The following ATRNL1 variants were observed in gnomAD, a reference collection of about 807,000 sequenced individuals.
ATRNL1 encodes the protein attractin like 1.
ATRNL1 carries 95 observed loss-of-function variants against 182.7 expected under a neutral mutation model. The ratio of observed to expected loss-of-function variants is 0.52; its 90% CI spans 0.44 to 0.62. ATRNL1 has a LOEUF of 0.62. ATRNL1 is among the 20% of genes least tolerant of loss of function. The probability of loss-of-function intolerance (pLI) is 0.00; values close to 1 mark genes in which losing one functional copy is unlikely to be tolerated. For missense variants in ATRNL1, 1,471 were observed against 1,679.5 expected (o/e 0.88, Z 2.17); for synonymous variants, 576 against 568.3 (o/e 1.01, Z -0.19).
Position 115,093,572 on chromosome 10 carries a change from A to T in ATRNL1, c.-179A>T. On this transcript the variant is annotated 5_prime_UTR_variant, in exon 1 of 29. Coordinates refer to ENST00000355044, the MANE Select transcript of ATRNL1 (RefSeq NM_207303.4). The surrounding 1 kb of genome is among the most constrained non-coding windows in gnomAD (Gnocchi z 6.1). ...GCCCGAGTGCGACTGGAGGCAGCCG[A>T]GCGGAGGCGACGGCGGTTGGGATCT... 1 of 735,938 alleles carries T rather than the reference A, an allele frequency of 1.4e-6. No individual in the cohort carries two copies. Among genetic ancestry groups the T allele is most frequent in the Non-Finnish European group, 2.3e-6 (1 of 426,332 alleles). The allele number at this position is 735,938 out of a possible 1,614,324, so 45.6% of individuals were successfully genotyped here.
intron 24 of ATRNL1, among the ~76,000 whole-genome samples, chr10:115,485,589 C>G (rs181718671): frequency 6.6e-6 from 1 of 152,102 alleles, no homozygotes; most frequent in East Asian, 1.9e-4. Flanking sequence ...TGTATTCTTC[C>G]TATGTGACTA....
At chr10:115,217,237 C>T (rs1849269289) in intron 9 of ATRNL1, among the ~76,000 whole-genome samples, 1 of 152,144 alleles carries the variant, frequency 6.6e-6, no homozygotes, top group African/African-American at 2.4e-5. Flanking sequence ...TACATGCACA[C>T]ACCACCATGC....
intron 20 of ATRNL1, among the ~76,000 whole-genome samples, chr10:115,396,241 G>C (rs1554955541): frequency 6.6e-6 from 1 of 151,810 alleles, no homozygotes; most frequent in Non-Finnish European, 1.5e-5. Flanking sequence ...GATCTTGGGG[G>C]AATTCCTATT....
intron 9 of ATRNL1, among the ~76,000 whole-genome samples, 173 bp from the exon 10 acceptor site, chr10:115,241,398 T>C (rs1436394551): frequency 2.6e-5 from 4 of 151,846 alleles, no homozygotes; most frequent in African/African-American, 9.7e-5. Context: ...CAAAATATTT[T>C]TTTTTGAAAT....
At chr10:115,386,716 A>G (rs1858374652) in intron 19 of ATRNL1, among the ~76,000 whole-genome samples, 1 of 151,536 alleles carries the variant, frequency 6.6e-6, no homozygotes, top group Non-Finnish European at 1.5e-5. Context: ...CACAATGTGC[A>G]GGTTAGTTAC....
intron 28 of ATRNL1, among the ~76,000 whole-genome samples, chr10:115,908,551 C>T (rs557955821): frequency 6.6e-6 from 1 of 152,296 alleles, no homozygotes; most frequent in South Asian, 2.1e-4. Context: ...AGGATAATCT[C>T]TCCATCTGAA....
At chr10:115,440,025 A>C (rs1436892344) in intron 21 of ATRNL1, among the ~76,000 whole-genome samples, 3 of 151,806 alleles carry the variant, frequency 2.0e-5, no homozygotes, top group African/African-American at 7.2e-5. Context: ...TATCGGTATG[A>C]ACTCATGGAT....
chr10:115,782,249 AC>A, intron 27 of ATRNL1, among the ~76,000 whole-genome samples: 1 of 152,314 alleles, frequency 6.6e-6, no homozygotes, highest in African/African-American at 2.4e-5. Context: ...ACTGCTTCAA[AC>A]CTTAACCACC....
chr10:115,844,326 G>A (rs1555098164), intron 27 of ATRNL1, among the ~76,000 whole-genome samples: 2 of 151,994 alleles, frequency 1.3e-5, no homozygotes, highest in Non-Finnish European at 2.9e-5. Flanking sequence ...CATTGGAGAG[G>A]GCCAGTGGAA....
At chr10:115,655,362 T>G (rs781812659) in intron 26 of ATRNL1, among the ~76,000 whole-genome samples, 1 of 152,224 alleles carries the variant, frequency 6.6e-6, no homozygotes, top group Non-Finnish European at 1.5e-5. Context: ...TTGAGCGTCC[T>G]TGGTAATAGG....
intron 6 of ATRNL1, among the ~76,000 whole-genome samples, chr10:115,163,528 T>C (rs1161351425): frequency 6.6e-6 from 1 of 152,052 alleles, no homozygotes. Context: ...TATGCCTGGC[T>C]AATTTTTAAA....
At chr10:115,788,881 A>G (rs1281211852) in intron 27 of ATRNL1, among the ~76,000 whole-genome samples, 1 of 152,194 alleles carries the variant, frequency 6.6e-6, no homozygotes, top group Non-Finnish European at 1.5e-5. Flanking sequence ...GCCAATAATA[A>G]CCTGCACATG....
intron 5 of ATRNL1, among the ~76,000 whole-genome samples, chr10:115,151,724 C>G (rs188139583): frequency 2.7e-4 from 41 of 152,108 alleles, no homozygotes; most frequent in African/African-American, 9.6e-4. Context: ...TTAGTTAGAT[C>G]CCATTTGTCA....
At position 115,348,207 on chromosome 10, in the gene ATRNL1, A is replaced by G. The variant is rs576166477; in HGVS notation, c.3175+13788A>G. ...AGGCTGGTCTCAGACTCCTGACCTC[A>G]GGTGATCCACCTGCCTTGACCTCCC... is the stretch of plus-strand genomic sequence containing the variant. On this transcript the variant is annotated intron_variant, in intron 19 of 28. Coordinates refer to ENST00000355044, the MANE Select transcript of ATRNL1 (RefSeq NM_207303.4). 3.5e-3 allele frequency among the ~76,000 whole-genome samples: 527 copies of G among 152,258 alleles called. 4 individuals carry two copies. Among genetic ancestry groups the G allele is most frequent in the African/African-American group, 0.012 (495 of 41,558 alleles).
intron 28 of ATRNL1, among the ~76,000 whole-genome samples, chr10:115,938,793 TA>T (rs1156960740): frequency 2.0e-5 from 3 of 151,970 alleles, no homozygotes; most frequent in Admixed American, 1.3e-4. Flanking sequence ...ATGTAGAATC[TA>T]AAAAAGGTGA....
At chr10:115,815,170 G>T (rs1365016655) in intron 27 of ATRNL1, among the ~76,000 whole-genome samples, 1 of 152,030 alleles carries the variant, frequency 6.6e-6, no homozygotes, top group East Asian at 1.9e-4. Context: ...CTTATTTCAG[G>T]CTTAACTTAT....
intron 26 of ATRNL1, among the ~76,000 whole-genome samples, chr10:115,603,641 T>C (rs971187868): frequency 6.6e-6 from 1 of 152,222 alleles, no homozygotes; most frequent in Non-Finnish European, 1.5e-5. Flanking sequence ...ATTTAACTTA[T>C]ACATATTTTA....
At chr10:115,354,527 T>G (rs1192024904) in intron 19 of ATRNL1, among the ~76,000 whole-genome samples, 1 of 152,200 alleles carries the variant, frequency 6.6e-6, no homozygotes, top group Non-Finnish European at 1.5e-5. Context: ...TTCTGGTCTA[T>G]AAACTCCCCA....
At chr10:115,770,036 T>C (rs1399429266) in intron 27 of ATRNL1, among the ~76,000 whole-genome samples, 1 of 152,076 alleles carries the variant, frequency 6.6e-6, no homozygotes, top group Non-Finnish European at 1.5e-5. Context: ...CTTAATACTC[T>C]TCTTAATTTT....
Sources: allele counts gnomAD v4.1 joint callset (sites outside exome capture counted in the v4.1 genomes callset), GRCh38; gene constraint gnomAD v4.1.1; non-coding constraint Gnocchi (gnomAD v3.1); transcripts MANE v1.5; gene names NCBI Gene and HGNC (gene_info 2026-07-23, HGNC 2026-07-21).